GARIN5A: variants seen among roughly 807,000 people sequenced by gnomAD.
GARIN5A encodes the protein Golgi-associated RAB2 interactor protein 5A.
chr19:50,470,858 G>A, the GARIN5A span, among the ~76,000 whole-genome samples: 1 of 151,754 alleles, frequency 6.6e-6, no homozygotes, highest in African/African-American at 2.4e-5. Flanking sequence ...GTTTCACTAT[G>A]TTGGCCAGGT....
the GARIN5A span, chr19:50,476,574 G>A: frequency 1.3e-6 from 2 of 1,575,164 alleles, no homozygotes; most frequent in South Asian, 2.3e-5. Flanking sequence ...GGGCAACCCG[G>A]CTGCTCCTGC....
chr19:50,476,427 T>A, the GARIN5A span: 4 of 1,547,946 alleles, frequency 2.6e-6, no homozygotes, highest in Non-Finnish European at 3.5e-6. Flanking sequence ...CGGGTGCCAG[T>A]GCGCAGGTGC....
At chr19:50,476,366 T>C in the GARIN5A span, 1 of 1,571,156 alleles carries the variant, frequency 6.4e-7, no homozygotes, top group Admixed American at 1.8e-5. Context: ...CTCCTGGAGA[T>C]CAGGCCAAAG....
chr19:50,475,809 T>A, the GARIN5A span: 3 of 1,539,534 alleles, frequency 1.9e-6, no homozygotes, highest in Non-Finnish European at 2.7e-6. Flanking sequence ...AGGCTGGGGA[T>A]GAGGGGGTTC....
chr19:50,475,940 C>T, the GARIN5A span: 1 of 1,612,514 alleles, frequency 6.2e-7, no homozygotes, highest in South Asian at 1.1e-5. Flanking sequence ...GAGGCTGCAA[C>T]CAGGAGGCAT....
the GARIN5A span, chr19:50,475,725 C>A: frequency 1.2e-6 from 1 of 828,696 alleles, no homozygotes; most frequent in Non-Finnish European, 2.0e-6. Flanking sequence ...AGTTGGGAGT[C>A]GGGAATCCCA....
the GARIN5A span, chr19:50,475,749 A>G: frequency 7.2e-5 from 71 of 987,124 alleles, no homozygotes; most frequent in South Asian, 9.3e-4. Context: ...GATGGACGTT[A>G]TGGGGGAGCA....
the GARIN5A span, chr19:50,475,463 CA>C: frequency 6.9e-6 from 11 of 1,598,202 alleles, no homozygotes; most frequent in Non-Finnish European, 9.4e-6. Context: ...CACCTGGGGC[CA>C]GAGGTCAGAG....
At chr19:50,470,009 CTCT>C in the GARIN5A span, among the ~76,000 whole-genome samples, 1 of 152,222 alleles carries the variant, frequency 6.6e-6, no homozygotes, top group African/African-American at 2.4e-5. Context: ...GTGTGCTCTC[CTCT>C]TATCCCTGTC....
At chr19:50,472,295 A>G in the GARIN5A span, among the ~76,000 whole-genome samples, 2 of 151,226 alleles carry the variant, frequency 1.3e-5, no homozygotes. Flanking sequence ...ATGTGTGTAT[A>G]TATGTATATA....
the GARIN5A span, among the ~76,000 whole-genome samples, chr19:50,471,882 G>GTA: frequency 1.0e-3 from 151 of 150,978 alleles, 3 homozygotes; most frequent in South Asian, 0.011. Context: ...ATGCATACAT[G>GTA]TGTGTATATG....
the GARIN5A span, among the ~76,000 whole-genome samples, chr19:50,470,666 T>C: frequency 6.6e-6 from 1 of 150,414 alleles, no homozygotes; most frequent in East Asian, 2.0e-4. Context: ...TGTTTTTTTT[T>C]TTTTTTGAGA....
the GARIN5A span, chr19:50,475,248 G>A: frequency 1.2e-5 from 18 of 1,498,374 alleles, no homozygotes; most frequent in African/African-American, 1.4e-4. Context: ...TGGTCTGGAC[G>A]AGGGGAGGTA....
chr19:50,473,509 A>G, the GARIN5A span, among the ~76,000 whole-genome samples: 2 of 152,080 alleles, frequency 1.3e-5, no homozygotes, highest in Admixed American at 6.6e-5. Flanking sequence ...ATGTGTCACC[A>G]TACCTGGCTA....
the GARIN5A span, among the ~76,000 whole-genome samples, chr19:50,472,964 C>A: frequency 1.3e-5 from 2 of 152,184 alleles, no homozygotes; most frequent in Non-Finnish European, 2.9e-5. Context: ...GGGAGGATCA[C>A]TTGAGGCCCG....
the GARIN5A span, among the ~76,000 whole-genome samples, chr19:50,473,125 G>A: frequency 6.6e-6 from 1 of 152,156 alleles, no homozygotes; most frequent in Non-Finnish European, 1.5e-5. Context: ...TTAGGCAGGG[G>A]GATTAATAAA....
At chr19:50,467,721 T>C in the GARIN5A span, 1 of 1,601,830 alleles carries the variant, frequency 6.2e-7, no homozygotes, top group Non-Finnish European at 8.5e-7. Context: ...GGGTCTTGAG[T>C]GGGGCCCGCA....
the GARIN5A span, among the ~76,000 whole-genome samples, chr19:50,475,000 T>C: frequency 6.6e-6 from 1 of 152,208 alleles, no homozygotes; most frequent in Non-Finnish European, 1.5e-5. Context: ...GACCCCACCA[T>C]GTGAAGATAT....
chr19:50,473,184 C>T, the GARIN5A span, among the ~76,000 whole-genome samples: 5 of 152,092 alleles, frequency 3.3e-5, no homozygotes, highest in East Asian at 1.9e-4. Context: ...GATTTGGCCA[C>T]GAAATTAGAA....
Sources: gnomAD v4.1 joint callset for allele counts (sites outside exome capture counted in the v4.1 genomes callset) on GRCh38, gnomAD v4.1.1 for gene constraint, MANE v1.5 for transcripts, NCBI Gene and HGNC (gene_info 2026-07-23, HGNC 2026-07-21) for gene names.